OSBPL9: variants seen among roughly 807,000 people sequenced by gnomAD.
OSBPL9 encodes oxysterol binding protein like 9.
In OSBPL9, 40 loss-of-function variants were observed where a neutral mutation model predicts 106.6. That is an observed-to-expected ratio of 0.38 (90% CI 0.29 to 0.49). The LOEUF (loss-of-function observed/expected upper bound fraction) is 0.49. Among genes scored for constraint, OSBPL9 ranks in the 20% least tolerant of loss-of-function variants. The probability of loss-of-function intolerance (pLI) is 0.97; values close to 1 mark genes in which losing one functional copy is unlikely to be tolerated. For synonymous variants in OSBPL9, 269 were observed against 295.4 expected, an observed-to-expected ratio of 0.91 and a Z score of 0.92; for missense variants, 609 against 887.2, an observed-to-expected ratio of 0.69 and a Z score of 3.98.
intron 3 of OSBPL9, among the ~76,000 whole-genome samples, chr1:51,684,442 A>G (rs1194634085): frequency 6.6e-6 from 1 of 152,254 alleles, no homozygotes; most frequent in South Asian, 2.1e-4. Context: ...GGCTTGATGG[A>G]GCCATTCCAC....
chr1:51,532,374 G>A, the OSBPL9 span, among the ~76,000 whole-genome samples: 1 of 152,154 alleles, frequency 6.6e-6, no homozygotes, highest in Non-Finnish European at 1.5e-5. Flanking sequence ...GGGAATTGCT[G>A]GAGTGCAGGG....
At chr1:51,620,001 A>G (rs1644328266) in intron 1 of OSBPL9, among the ~76,000 whole-genome samples, 1 of 152,280 alleles carries the variant, frequency 6.6e-6, no homozygotes. Flanking sequence ...AAAACCCTGA[A>G]CTAAACTAGA....
intron 4 of OSBPL9, 191 bp from the exon 5 acceptor site, chr1:51,745,345 C>A: frequency 4.1e-6 from 3 of 730,790 alleles, no homozygotes; most frequent in Non-Finnish European, 6.1e-6. Flanking sequence ...AGCAGTGCTC[C>A]AAGTTAATGA....
chr1:51,600,175 A>G (rs759813942), intron 2 of OSBPL9, among the ~76,000 whole-genome samples: 2 of 152,252 alleles, frequency 1.3e-5, no homozygotes, highest in South Asian at 2.1e-4. Flanking sequence ...TAGCACCACT[A>G]TATAAAGCAC....
intron 1 of OSBPL9, among the ~76,000 whole-genome samples, chr1:51,649,953 C>T (rs898238732): frequency 5.3e-5 from 8 of 151,988 alleles, no homozygotes; most frequent in African/African-American, 1.2e-4. Flanking sequence ...TGGCTCACTG[C>T]AGCCTTGACC....
At chr1:51,694,203 A>G (rs915338150) in intron 3 of OSBPL9, among the ~76,000 whole-genome samples, 1 of 152,236 alleles carries the variant, frequency 6.6e-6, no homozygotes. Context: ...GTACTTATTT[A>G]TTTAAAAATA....
At chr1:51,760,968 A>C (rs1671362368) in intron 10 of OSBPL9, among the ~76,000 whole-genome samples, 188 bp downstream of exon 10, 1 of 152,196 alleles carries the variant, frequency 6.6e-6, no homozygotes, top group Non-Finnish European at 1.5e-5. Context: ...GGCTTTACTG[A>C]AGTGTGATGA....
At chr1:51,689,149 C>T (rs1654448412) in intron 3 of OSBPL9, among the ~76,000 whole-genome samples, 1 of 152,170 alleles carries the variant, frequency 6.6e-6, no homozygotes, top group African/African-American at 2.4e-5. Context: ...CATCTGTTTT[C>T]AGAAAATTCT....
At chr1:51,625,642 G>A (rs1221902370) in intron 1 of OSBPL9, among the ~76,000 whole-genome samples, 1 of 151,754 alleles carries the variant, frequency 6.6e-6, no homozygotes, top group Non-Finnish European at 1.5e-5. Flanking sequence ...CCTCACCTCA[G>A]CCTCCTGAGT....
upstream of OSBPL9, among the ~76,000 whole-genome samples, chr1:51,613,961 T>C (rs1372432143): frequency 1.3e-5 from 2 of 152,132 alleles, no homozygotes; most frequent in Non-Finnish European, 2.9e-5. Flanking sequence ...CAGGCTGTTC[T>C]TTGTTGCTCA....
chr1:51,654,444 T>C (rs1023392145), intron 2 of OSBPL9, among the ~76,000 whole-genome samples: 7 of 152,202 alleles, frequency 4.6e-5, no homozygotes, highest in Non-Finnish European at 8.8e-5. Context: ...TTTCCTATTA[T>C]TTACCAAATT....
chr1:51,685,107 T>C (rs1177675739), intron 3 of OSBPL9, among the ~76,000 whole-genome samples: 1 of 152,166 alleles, frequency 6.6e-6, no homozygotes, highest in Non-Finnish European at 1.5e-5. Context: ...TTTCATACAT[T>C]CATTTTTTTC....
At chr1:51,584,573 A>G (rs1645237261) in intron 1 of OSBPL9, among the ~76,000 whole-genome samples, 1 of 152,020 alleles carries the variant, frequency 6.6e-6, no homozygotes, top group Admixed American at 6.6e-5. Context: ...AAAATTAGCC[A>G]GGTGTTGTGG....
the OSBPL9 span, among the ~76,000 whole-genome samples, chr1:51,547,670 C>G: frequency 6.6e-6 from 1 of 151,940 alleles, no homozygotes; most frequent in African/African-American, 2.4e-5. Flanking sequence ...ATGGCGAAAC[C>G]CCATCTCTAC....
At chr1:51,681,019 T>C (rs1269301308) in intron 3 of OSBPL9, among the ~76,000 whole-genome samples, 2 of 152,046 alleles carry the variant, frequency 1.3e-5, no homozygotes, top group Non-Finnish European at 2.9e-5. Context: ...CCTTTGACCA[T>C]TTTTTTGTTG....
chr1:51,747,687 G>A (rs748437924), intron 6 of OSBPL9, among the ~76,000 whole-genome samples: 48 of 151,090 alleles, frequency 3.2e-4, no homozygotes, highest in Non-Finnish European at 5.3e-4. Flanking sequence ...GTCCCATGTC[G>A]TTTTAAAACA....
chr1:51,592,304 A>G (rs1287313062), intron 1 of OSBPL9, among the ~76,000 whole-genome samples: 1 of 151,826 alleles, frequency 6.6e-6, no homozygotes, highest in Admixed American at 6.6e-5. Flanking sequence ...TTTAGTAGAG[A>G]CAGGGTTTCA....
At chr1:51,784,717 A>G (rs1677196887) in intron 20 of OSBPL9, 135 bp downstream of exon 20, 1 of 1,076,060 alleles carries the variant, frequency 9.3e-7, no homozygotes, top group Non-Finnish European at 1.3e-6. Context: ...TTTATGTGTC[A>G]TGTCTTTTGC....
At chr1:51,615,189 T>C (rs922084740), upstream of OSBPL9, among the ~76,000 whole-genome samples, 1 of 152,082 alleles carries the variant, frequency 6.6e-6, no homozygotes, top group African/African-American at 2.4e-5. Flanking sequence ...GAGGTGGAGG[T>C]TGCAGTGAGC....
Sources: gnomAD v4.1 joint callset for allele counts (sites outside exome capture counted in the v4.1 genomes callset) on GRCh38, gnomAD v4.1.1 for gene constraint, MANE v1.5 for transcripts, NCBI Gene and HGNC (gene_info 2026-07-23, HGNC 2026-07-21) for gene names.